RBM7: variants seen among roughly 807,000 people sequenced by gnomAD.
RBM7 encodes the protein RNA-binding protein 7.
RBM7 carries 13 observed loss-of-function variants against 31.0 expected under a neutral mutation model. The observed-to-expected ratio is 0.42, with a 90% CI of 0.27 to 0.67. RBM7 has a LOEUF of 0.67. Among genes scored for constraint, RBM7 ranks in the 30% least tolerant of loss-of-function variants. The pLI is 0.24. For missense variants in RBM7, 245 were observed against 326.2 expected, an observed-to-expected ratio of 0.75 and a Z score of 1.92; for synonymous variants, 106 against 111.2, an observed-to-expected ratio of 0.95 and a Z score of 0.30.
Position 114,410,182 on chromosome 11 carries a change from C to T in RBM7, c.*2375C>T, listed in dbSNP as rs977768173. 3 of 151,894 alleles carry T rather than the reference C, an allele frequency of 2.0e-5. No individual in the cohort carries two copies. Among genetic ancestry groups the T allele is most frequent in the Non-Finnish European group, 4.4e-5 (3 of 67,994 alleles). 9.4% of individuals were successfully genotyped at this position (151,894 alleles called of 1,614,324 possible). ...GATTATTTTTGTGGGAGAACAGTTT[C>T]TCCCATAGTGTTTCCTGTGGAATGC... On this transcript the variant is annotated 3_prime_UTR_variant, in exon 5 of 5. Coordinates refer to ENST00000375490, the MANE Select transcript of RBM7 (RefSeq NM_001286045.2).
chr11:114,406,686 T>C (rs1164648228), intron 4 of RBM7: 1 of 152,234 alleles, frequency 6.6e-6, no homozygotes, highest in Non-Finnish European at 1.5e-5. Context: ...GGGATTCTTA[T>C]TGTCTGATTC....
intron 4 of RBM7, 80 bp downstream of exon 4, chr11:114,405,879 G>T: frequency 2.0e-6 from 2 of 991,262 alleles, no homozygotes; most frequent in Non-Finnish European, 3.0e-6. Context: ...TCAAATAACT[G>T]GTTTTTAATT....
chr11:114,401,791 C>T lies in RBM7; in HGVS notation c.190C>T (p.Pro64Ser). The change falls in exon 2 of 5, where the codon CCT becomes TCT. Residue 64 changes from proline (P) to serine (S), a missense_variant. Pro to Ser is a moderately conservative substitution (Grantham distance 74, BLOSUM62 -1). Transcript: ENST00000375490. ...FVNFKHEVSV[P>S]YAMNLLNGIK... ...GAATTTCAAACATGAAGTGTCTGTTCCTTATGCAATGAATCTACTTAATGG... is the reference window on the plus strand; with the variant it reads ...GAATTTCAAACATGAAGTGTCTGTTTCTTATGCAATGAATCTACTTAATGG... 1 of 1,589,118 alleles carries T rather than the reference C, an allele frequency of 6.3e-7. No homozygotes were observed.
At chr11:114,405,870 CA>C in intron 4 of RBM7, 71 bp downstream of exon 4, 1 of 1,075,882 alleles carries the variant, frequency 9.3e-7, no homozygotes, top group Non-Finnish European at 1.3e-6. Flanking sequence ...CGCATTGTAT[CA>C]AATAACTGGT....
In RBM7 at chr11:114,407,586, C is replaced by T. The variant is rs537118955; in HGVS notation, c.583C>T (p.Pro195Ser). 1.1e-5 allele frequency: 17 copies of T among 1,614,172 alleles called. No homozygotes were observed. In the South Asian group the frequency reaches 1.9e-4, roughly 18 times the overall value. ...AAGCTCCCAGTGGCGCCAAGGTACACCATCATCACAGCGTAAAGTCAGAAT... is the reference window on the plus strand; with the variant it reads ...AAGCTCCCAGTGGCGCCAAGGTACATCATCATCACAGCGTAAAGTCAGAAT... ...SSSSQWRQGT[P>S]SSQRKVRMNS... is the part of the protein sequence containing the mutation. Residue 195 changes from proline to serine, a missense_variant, in exon 5 of 5, where the codon CCA becomes TCA. Physicochemically the swap from Pro to Ser is moderately conservative, Grantham distance 74 (BLOSUM62 -1). Coordinates refer to ENST00000375490, the MANE Select transcript of RBM7 (RefSeq NM_001286045.2).
chr11:114,401,572 T>C, intron 1 of RBM7, 126 bp from the exon 2 acceptor site: 1 of 793,858 alleles, frequency 1.3e-6, no homozygotes, highest in South Asian at 2.3e-5. Context: ...AATCCGTGCA[T>C]CATTTTCAAA....
chr11:114,405,052 A>G (rs1946248853), intron 3 of RBM7, among the ~76,000 whole-genome samples: 1 of 152,138 alleles, frequency 6.6e-6, no homozygotes, highest in Non-Finnish European at 1.5e-5. Context: ...GGAAATATCT[A>G]CCTAATTGCT....
chr11:114,402,884 A>C lies in RBM7; in HGVS notation c.316A>C (p.Asn106His). ...GTCATATCCCCAACATCATGTTGGA[A>C]ATTCAAGCCCTACCTCCACATCTCC... ...SLSYPQHHVGNSSPTSTSPSS... is the reference protein window; with the variant it reads ...SLSYPQHHVGHSSPTSTSPSS... Residue 106 changes from asparagine (N) to histidine (H), a missense_variant, in exon 3 of 5, where the codon AAT becomes CAT. Asn to His is a moderately conservative substitution (Grantham distance 68). Transcript: ENST00000375490. The C allele has an allele frequency of 6.2e-7, 1 of 1,612,884 alleles. No homozygotes were observed. The highest frequency in any genetic ancestry group is 8.5e-7 in the Non-Finnish European group (1 of 1,178,880).
rs761340727 is a variant in RBM7 at position 114,410,135 on chromosome 11, G to T, written c.*2328G>T. On this transcript the variant is annotated 3_prime_UTR_variant, in exon 5 of 5. Transcript: ENST00000375490. ...GGATGCTTCATCTATATTGACAGCT[G>T]CAAGAACAGAAAGGAAGAAGAGATT... 1 of 151,972 alleles carries T rather than the reference G, an allele frequency of 6.6e-6. No individual in the cohort carries two copies. The highest frequency in any genetic ancestry group is 1.5e-5 in the Non-Finnish European group (1 of 68,012). 9.4% of individuals were successfully genotyped at this position (151,972 alleles called of 1,614,324 possible).
intron 4 of RBM7, 73 bp downstream of exon 4, chr11:114,405,872 A>G: frequency 3.7e-6 from 4 of 1,067,186 alleles, no homozygotes; most frequent in Non-Finnish European, 4.1e-6. Flanking sequence ...CATTGTATCA[A>G]ATAACTGGTT....
rs1427284306 is a variant in RBM7 at position 114,408,582 on chromosome 11, GAAA to G, written c.*777_*779del. On this transcript the variant is annotated 3_prime_UTR_variant, in exon 5 of 5. Coordinates refer to ENST00000375490, the MANE Select transcript of RBM7 (RefSeq NM_001286045.2). Reference sequence around the variant, plus strand: ...GTTTTACTGAAAGCATACTTTTTTGGAAAATAGATTCATGAAGCCTTTAAGTGC... The same window carrying G: ...GTTTTACTGAAAGCATACTTTTTTGGATAGATTCATGAAGCCTTTAAGTGC... The G allele has an allele frequency of 2.0e-5, 3 of 152,604 alleles. No individual in the cohort carries two copies. The highest frequency in any genetic ancestry group is 2.9e-5 in the Non-Finnish European group (2 of 67,978). The allele number at this position is 152,604 out of a possible 1,614,324, so 9.5% of individuals were successfully genotyped here.
At chr11:114,404,096 T>C (rs1591198465) in intron 3 of RBM7, among the ~76,000 whole-genome samples, 1 of 152,136 alleles carries the variant, frequency 6.6e-6, no homozygotes, top group East Asian at 1.9e-4. Context: ...TTTTGAGATT[T>C]TACCCTAAAA....
intron 2 of RBM7, 160 bp downstream of exon 2, chr11:114,402,020 A>G (rs933080284): frequency 2.6e-5 from 16 of 626,232 alleles, no homozygotes; most frequent in Non-Finnish European, 3.8e-5. Context: ...AAAACGGGTA[A>G]CATTGACACA....
chr11:114,401,193 C>A (rs1671427261), intron 1 of RBM7, among the ~76,000 whole-genome samples: 1 of 152,124 alleles, frequency 6.6e-6, no homozygotes, highest in African/African-American at 2.4e-5. Context: ...TATCAAATTG[C>A]AGCATTATTA....
At chr11:114,404,039 G>C (rs1276921498) in intron 3 of RBM7, among the ~76,000 whole-genome samples, 1 of 152,172 alleles carries the variant, frequency 6.6e-6, no homozygotes, top group Non-Finnish European at 1.5e-5. Flanking sequence ...AGCAGTAGGG[G>C]ATTTTGGTAG....
At chr11:114,405,926 T>C in intron 4 of RBM7, 127 bp downstream of exon 4, 4 of 633,698 alleles carry the variant, frequency 6.3e-6, no homozygotes, top group Non-Finnish European at 1.0e-5. Flanking sequence ...CCTTTAGTCC[T>C]CAAGGCGTAA....
chr11:114,402,144 G>C (rs1946210724), intron 2 of RBM7: 1 of 265,186 alleles, frequency 3.8e-6, no homozygotes, highest in Middle Eastern at 1.2e-3. Flanking sequence ...AAAAGAGCTA[G>C]GTTTATTTTC....
At chr11:114,405,638 T>C in intron 3 of RBM7, 68 bp from the exon 4 acceptor site, 1 of 1,096,002 alleles carries the variant, frequency 9.1e-7, no homozygotes, top group Non-Finnish European at 1.3e-6. Flanking sequence ...GAGAAATGTG[T>C]TCTGCTCATG....
At chr11:114,407,353 C>CT in intron 4 of RBM7, 92 bp from the exon 5 acceptor site, 2 of 1,380,856 alleles carry the variant, frequency 1.4e-6, no homozygotes, top group Non-Finnish European at 2.0e-6. Flanking sequence ...GCAAGAGTGA[C>CT]TTTATTTTCT....
Sources: allele counts gnomAD v4.1 joint callset (sites outside exome capture counted in the v4.1 genomes callset), GRCh38; gene constraint gnomAD v4.1.1; transcripts MANE v1.5; gene names NCBI Gene and HGNC (gene_info 2026-07-23, HGNC 2026-07-21).